SCLT1: variants seen among roughly 807,000 people sequenced by gnomAD.
SCLT1 encodes sodium channel-associated protein 1.
A neutral mutation model predicts 112.8 loss-of-function variants in SCLT1; 78 were observed. That is an observed-to-expected ratio of 0.69 (90% CI 0.58 to 0.83). The LOEUF is 0.83. Among genes scored for constraint, SCLT1 ranks in the 40% least tolerant of loss-of-function variants. The probability of loss-of-function intolerance (pLI) is 0.00; values close to 1 mark genes in which losing one functional copy is unlikely to be tolerated. For missense variants in SCLT1, 747 were observed against 770.4 expected (o/e 0.97, Z 0.36); for synonymous variants, 257 against 254.7 (o/e 1.01, Z -0.09).
At chr4:128,953,546 A>T (rs1738947281) in intron 13 of SCLT1, among the ~76,000 whole-genome samples, 1 of 152,020 alleles carries the variant, frequency 6.6e-6, no homozygotes. Flanking sequence ...ATAACTTCTA[A>T]GGTTTTGGGA....
chr4:129,040,653 C>T (rs532074713), intron 4 of SCLT1, among the ~76,000 whole-genome samples: 40 of 152,266 alleles, frequency 2.6e-4, no homozygotes, highest in Non-Finnish European at 4.7e-4. Context: ...GAAATCCATA[C>T]AGTATTTCTC....
At chr4:129,016,353 T>G (rs1289256536) in intron 5 of SCLT1, among the ~76,000 whole-genome samples, 9 of 151,016 alleles carry the variant, frequency 6.0e-5, no homozygotes, top group Non-Finnish European at 1.2e-4. Context: ...CCCAGTGTGT[T>G]GTTCTGCTCC....
chr4:128,994,769 A>G (rs1742867409), intron 8 of SCLT1, among the ~76,000 whole-genome samples: 1 of 152,120 alleles, frequency 6.6e-6, no homozygotes. Context: ...ATGTTTAGTG[A>G]CATCGAGCAT....
At chr4:128,991,527 T>TA (rs925400279) in intron 9 of SCLT1, among the ~76,000 whole-genome samples, 5 of 150,830 alleles carry the variant, frequency 3.3e-5, no homozygotes, top group East Asian at 2.0e-4. Flanking sequence ...AATAAGTAAA[T>TA]AAAAAAACCC....
intron 1 of SCLT1, among the ~76,000 whole-genome samples, chr4:129,089,919 G>A (rs1445141598): frequency 2.0e-5 from 3 of 152,070 alleles, no homozygotes; most frequent in Non-Finnish European, 4.4e-5. Flanking sequence ...TGCAGGTGAC[G>A]GGTTGATGGG....
chr4:128,893,279 C>T (rs1234270982), intron 18 of SCLT1, among the ~76,000 whole-genome samples: 1 of 152,150 alleles, frequency 6.6e-6, no homozygotes, highest in African/African-American at 2.4e-5. Flanking sequence ...AGACACAAAT[C>T]ATTAAATGAA....
chr4:129,034,571 T>TATAC (rs1747017921), intron 5 of SCLT1, among the ~76,000 whole-genome samples: 1 of 42,178 alleles, frequency 2.4e-5, no homozygotes, highest in Non-Finnish European at 5.2e-5. Context: ...GTTCTAAAGC[T>TATAC]ATATATATAT....
intron 5 of SCLT1, among the ~76,000 whole-genome samples, chr4:129,019,995 A>G (rs1441136093): frequency 2.0e-5 from 3 of 152,114 alleles, no homozygotes; most frequent in East Asian, 1.9e-4. Context: ...TCTGCAGGAA[A>G]ACGTCAATTC....
At chr4:128,908,849 G>A (rs187013968) in intron 18 of SCLT1, among the ~76,000 whole-genome samples, 1 of 152,164 alleles carries the variant, frequency 6.6e-6, no homozygotes, top group Non-Finnish European at 1.5e-5. Flanking sequence ...GAAACCACGT[G>A]TTAAAGAAGG....
intron 2 of SCLT1, among the ~76,000 whole-genome samples, chr4:129,069,113 A>G (rs1213630078): frequency 6.6e-6 from 1 of 152,080 alleles, no homozygotes; most frequent in African/African-American, 2.4e-5. Flanking sequence ...TGGGTTCTCT[A>G]TTCCGTTCCA....
At chr4:128,904,224 C>A (rs1734527826) in intron 18 of SCLT1, among the ~76,000 whole-genome samples, 1 of 152,030 alleles carries the variant, frequency 6.6e-6, no homozygotes, top group Non-Finnish European at 1.5e-5. Flanking sequence ...TTTTAAAGTA[C>A]ATATAGAAGA....
intron 18 of SCLT1, among the ~76,000 whole-genome samples, chr4:128,898,594 T>C (rs1242336888): frequency 6.6e-5 from 10 of 152,166 alleles, no homozygotes; most frequent in Middle Eastern, 3.4e-3. Context: ...ATTGACACCC[T>C]AACATCACAA....
At chr4:128,969,495 C>T (rs1740494818) in intron 10 of SCLT1, among the ~76,000 whole-genome samples, 1 of 152,052 alleles carries the variant, frequency 6.6e-6, no homozygotes, top group African/African-American at 2.4e-5. Flanking sequence ...CGGCATGAAC[C>T]CGGGAGGCAG....
In SCLT1 at chr4:128,905,575, T is replaced by C. The variant is rs542425858; in HGVS notation, c.1830-14438A>G. On this transcript the variant is annotated intron_variant, in intron 18 of 20. Coordinates refer to ENST00000281142, the MANE Select transcript of SCLT1 (RefSeq NM_144643.4). ...ACTTAAACATTCTACTTAAAATGAG[T>C]AAAAGTATCTCATTTAGAATAGCCC... Among the ~76,000 whole-genome samples the C allele has an allele frequency of 6.6e-5, 10 of 152,222 alleles. No individual in the cohort carries two copies. In the South Asian group the frequency reaches 1.9e-3, roughly 28 times the overall value.
rs1363627081 is a variant in SCLT1, at chr4:129,087,590, T to TA, written c.35-5218dup. ...AGGGAGACCCGGCTTCTACAAAAAA[T>TA]AAAAAATAAAAATATTAGCCAGGTG... On this transcript the variant is annotated intron_variant, in intron 1 of 20. Transcript: ENST00000281142. 2.8e-5 allele frequency among the ~76,000 whole-genome samples: 4 copies of TA among 140,638 alleles called. No individual in the cohort carries two copies. In the South Asian group the frequency reaches 9.0e-4, roughly 32 times the overall value. The allele number at this position is 140,638 out of a possible 152,430, so 92.3% of individuals were successfully genotyped here. A position where few individuals can be genotyped will look rare whatever the true frequency, so the allele number is the denominator to read the frequency against.
Position 128,948,707 on chromosome 4 carries a change from AC to A in SCLT1, c.1219-138del, listed in dbSNP as rs1331034832. 7 of 633,508 alleles carry A rather than the reference AC, an allele frequency of 1.1e-5. No homozygotes were observed. In the Admixed American group the frequency reaches 1.3e-4, roughly 12 times the overall value. 39.2% of individuals were successfully genotyped at this position (633,508 alleles called of 1,614,324 possible). ...TAAGGTTATATTGATTAAAAACAAA[AC>A]AAAACTCAATATTTGAAGAGCAACC... is the stretch of plus-strand genomic sequence containing the variant. On this transcript the variant is annotated intron_variant, in intron 14 of 20. Transcript: ENST00000281142.
chr4:129,027,487 C>T (rs1746224915), intron 5 of SCLT1, among the ~76,000 whole-genome samples: 1 of 152,066 alleles, frequency 6.6e-6, no homozygotes, highest in Non-Finnish European at 1.5e-5. Context: ...CGCTTCATGC[C>T]AAAAACTCTC....
intron 4 of SCLT1, chr4:129,039,829 A>T (rs1747512920): frequency 5.0e-6 from 1 of 198,714 alleles, no homozygotes; most frequent in African/African-American, 2.3e-5. Flanking sequence ...TATGAGTAAA[A>T]GCAAAATAGC....
At chr4:128,887,406 CA>C (rs1226923207) in intron 20 of SCLT1, among the ~76,000 whole-genome samples, 7 of 151,534 alleles carry the variant, frequency 4.6e-5, no homozygotes, top group South Asian at 2.1e-4. Flanking sequence ...GAAGTAGATT[CA>C]AAAAAATCTG....
Sources: gnomAD v4.1 joint callset for allele counts (sites outside exome capture counted in the v4.1 genomes callset) on GRCh38, gnomAD v4.1.1 for gene constraint, MANE v1.5 for transcripts, NCBI Gene and HGNC (gene_info 2026-07-23, HGNC 2026-07-21) for gene names.